The following SNX31 variants were observed in gnomAD, a reference collection of about 807,000 sequenced individuals.
SNX31 encodes sorting nexin 31.
A neutral mutation model predicts 65.4 loss-of-function variants in SNX31; 58 were observed. The observed-to-expected ratio is 0.89, with a 90% CI of 0.72 to 1.10. The LOEUF (loss-of-function observed/expected upper bound fraction) is 1.10, where lower values mean the gene tolerates loss of function less well. Ranked by LOEUF, SNX31 falls within the 50% of genes least tolerant of loss-of-function variation. The probability of loss-of-function intolerance (pLI) is 0.00; values close to 1 mark genes in which losing one functional copy is unlikely to be tolerated. For synonymous variants in SNX31, 181 were observed against 190.1 expected (o/e 0.95, Z 0.39); for missense variants, 523 against 529.7 (o/e 0.99, Z 0.12).
intron 9 of SNX31, among the ~76,000 whole-genome samples, chr8:100,599,596 T>C (rs1815426213): frequency 6.6e-6 from 1 of 152,164 alleles, no homozygotes; most frequent in Non-Finnish European, 1.5e-5. Flanking sequence ...TGAGGAATTA[T>C]TTTCTGTTAC....
At chr8:100,636,475 G>T (rs1053622810) in intron 2 of SNX31, among the ~76,000 whole-genome samples, 8 of 152,206 alleles carry the variant, frequency 5.3e-5, no homozygotes, top group African/African-American at 1.7e-4. Context: ...ATGAGCACTT[G>T]AACGTCGCTA....
At chr8:100,584,748 C>CTTTTTTTTTT (rs531595486) in intron 11 of SNX31, among the ~76,000 whole-genome samples, 1 of 135,460 alleles carries the variant, frequency 7.4e-6, no homozygotes, top group African/African-American at 2.7e-5. Context: ...TTTTCTTTTT[C>CTTTTTTTTTT]TTTTTTTTTT....
At chr8:100,655,144 C>T (rs1019436909) in intron 1 of SNX31, among the ~76,000 whole-genome samples, 2 of 152,226 alleles carry the variant, frequency 1.3e-5, no homozygotes, top group Admixed American at 6.5e-5. Context: ...GGCACGGTGA[C>T]GTCCGGTCTG....
chr8:100,598,831 T>C (rs1413645291), intron 9 of SNX31, among the ~76,000 whole-genome samples: 2 of 152,246 alleles, frequency 1.3e-5, no homozygotes, highest in Non-Finnish European at 2.9e-5. Context: ...TACTTACCTC[T>C]GCCACTGCAA....
chr8:100,642,640 C>T (rs1481702981), intron 2 of SNX31, among the ~76,000 whole-genome samples: 2 of 152,182 alleles, frequency 1.3e-5, no homozygotes, highest in African/African-American at 4.8e-5. Flanking sequence ...TGCCAAAAGT[C>T]AACAATCAAA....
In SNX31 at chr8:100,613,867, G is replaced by A. The variant is rs558017331; in HGVS notation, c.433-782C>T. On this transcript the variant is annotated intron_variant, in intron 5 of 13. Coordinates refer to ENST00000311812, the MANE Select transcript of SNX31 (RefSeq NM_152628.4). The surrounding 1 kb of genome is among the most constrained non-coding windows in gnomAD (Gnocchi z 5.2). ...CAGCCCAGCCCCTATTTAACACTGG[G>A]CTCTCGAGTAATTTCTTTATACTCC... Among the ~76,000 whole-genome samples the A allele has an allele frequency of 1.3e-5, 2 of 152,192 alleles. No homozygotes were observed. The highest frequency in any genetic ancestry group is 4.8e-5 in the African/African-American group (2 of 41,518).
Position 100,577,021 on chromosome 8 carries a change from G to A in SNX31, c.1225C>T (p.Gln409Ter), listed in dbSNP as rs780750524. The change falls in exon 13 of 14, where the codon CAG becomes TAG. Residue 409 changes from glutamine (Q) to a stop codon, truncating the protein, a stop_gained and splice_region_variant. Transcript: ENST00000311812. LOFTEE classifies it high-confidence loss of function. The part of the protein sequence containing the change: ...KSKKYHIQQS[Q>*]QKDYSSFLSR... ...ATTACATAATTTTACTCACAGACCT[G>A]GCTTTGTTGAATGTGGTATTTTTTA... 10 of 1,611,880 alleles carry A rather than the reference G, an allele frequency of 6.2e-6. No homozygotes were observed. The South Asian group carries it at 9.9e-5, about 16-fold the overall frequency.
In SNX31 at chr8:100,609,506, G is replaced by A. The variant is rs750635944; in HGVS notation, c.612-943C>T. 6.6e-5 allele frequency among the ~76,000 whole-genome samples: 10 copies of A among 152,178 alleles called. No individual in the cohort carries two copies. The highest frequency in any genetic ancestry group is 2.0e-4 in the Admixed American group (3 of 15,276). Reference sequence around the variant, plus strand: ...GCAGGGGCTCCGTGTCTGCCTGTCAGATCCAGAATCACGAGGAACTGAAAT... The same window carrying A: ...GCAGGGGCTCCGTGTCTGCCTGTCAAATCCAGAATCACGAGGAACTGAAAT... On this transcript the variant is annotated intron_variant, in intron 7 of 13. Transcript: ENST00000311812. The surrounding 1 kb of genome is among the most constrained non-coding windows in gnomAD (Gnocchi z 4.9).
intron 2 of SNX31, among the ~76,000 whole-genome samples, chr8:100,645,104 G>A (rs1208234318): frequency 6.6e-6 from 1 of 152,250 alleles, no homozygotes; most frequent in Non-Finnish European, 1.5e-5. Flanking sequence ...TAAAGCCAAA[G>A]ATCACACATG....
chr8:100,641,199 C>G (rs924291496), intron 2 of SNX31, among the ~76,000 whole-genome samples: 5 of 151,898 alleles, frequency 3.3e-5, no homozygotes, highest in African/African-American at 1.2e-4. Context: ...TAAACCATTC[C>G]CACCACTCTC....
intron 4 of SNX31, chr8:100,618,463 C>A: frequency 1.4e-6 from 1 of 704,656 alleles, no homozygotes; most frequent in South Asian, 1.7e-5. Context: ...ATCACAATGG[C>A]TGTCCAACAA....
chr8:100,636,066 T>G, intron 2 of SNX31, 55 bp from the exon 3 acceptor site: 1 of 1,344,200 alleles, frequency 7.4e-7, no homozygotes, highest in Non-Finnish European at 1.1e-6. Flanking sequence ...TCAGGGTTGA[T>G]GAGATTACTA....
intron 5 of SNX31, among the ~76,000 whole-genome samples, chr8:100,616,866 T>C (rs1817252605): frequency 1.3e-5 from 2 of 152,226 alleles, no homozygotes; most frequent in Non-Finnish European, 2.9e-5. Flanking sequence ...TGAAAGGTCC[T>C]AGAAACTTTC....
intron 1 of SNX31, among the ~76,000 whole-genome samples, chr8:100,658,318 A>C (rs555345645): frequency 1.2e-4 from 18 of 152,346 alleles, no homozygotes; most frequent in African/African-American, 4.3e-4. Flanking sequence ...TCATCCAAGC[A>C]GCTTGCAGGG....
intron 10 of SNX31, 56 bp from the exon 11 acceptor site, chr8:100,589,035 G>T: frequency 7.1e-7 from 1 of 1,402,316 alleles, no homozygotes; most frequent in Non-Finnish European, 1.0e-6. Flanking sequence ...TTAATTTGCC[G>T]GGCACGGTGG....
chr8:100,627,305 T>C (rs890081153), intron 4 of SNX31, among the ~76,000 whole-genome samples: 1 of 152,080 alleles, frequency 6.6e-6, no homozygotes, highest in African/African-American at 2.4e-5. Flanking sequence ...TGAGCCGAGA[T>C]CATGCCATTG....
intron 1 of SNX31, among the ~76,000 whole-genome samples, chr8:100,661,241 G>A (rs913150300): frequency 2.0e-5 from 3 of 152,044 alleles, no homozygotes; most frequent in Non-Finnish European, 2.9e-5. Flanking sequence ...CCTGACCTCA[G>A]GTGATCTGCC....
chr8:100,646,573 A>G (rs566568318), intron 2 of SNX31, among the ~76,000 whole-genome samples: 42 of 152,314 alleles, frequency 2.8e-4, no homozygotes, highest in Non-Finnish European at 5.7e-4. Context: ...AGCTATTCTG[A>G]TATTTCCAGC....
rs1206286117 is a variant in SNX31, at chr8:100,629,980, A to T, written c.321+347T>A. ...ACAGAAGCAGGGTCACAGACATGTT[A>T]TGGGAACCCTTAATGATAAAGGCTG... is the stretch of plus-strand genomic sequence containing the variant. On this transcript the variant is annotated intron_variant, in intron 4 of 13. Coordinates refer to ENST00000311812, the MANE Select transcript of SNX31 (RefSeq NM_152628.4). This position sits in a 1 kb window ranked among gnomAD's most constrained non-coding sequence, Gnocchi z 5.1. Among the ~76,000 whole-genome samples, 1 of 152,228 alleles carries T rather than the reference A, an allele frequency of 6.6e-6. No individual in the cohort carries two copies. The highest frequency in any genetic ancestry group is 2.4e-5 in the African/African-American group (1 of 41,458).
Sources: gnomAD v4.1 joint callset for allele counts (sites outside exome capture counted in the v4.1 genomes callset) on GRCh38, gnomAD v4.1.1 for gene constraint, Gnocchi (gnomAD v3.1) non-coding constraint, MANE v1.5 for transcripts, NCBI Gene and HGNC (gene_info 2026-07-23, HGNC 2026-07-21) for gene names.